BEND7: variants seen among roughly 807,000 people sequenced by gnomAD.
BEND7 encodes BEN domain containing 7.
BEND7 carries 28 observed loss-of-function variants against 50.9 expected under a neutral mutation model. The ratio of observed to expected loss-of-function variants is 0.55; its 90% confidence interval spans 0.41 to 0.75. The LOEUF (loss-of-function observed/expected upper bound fraction) is 0.75. Ranked by LOEUF, BEND7 falls within the 30% of genes least tolerant of loss-of-function variation. The pLI, the probability that BEND7 is intolerant of heterozygous loss-of-function variation, is 0.00. For synonymous variants in BEND7, 170 were observed against 183.9 expected (o/e 0.92, Z 0.61); for missense variants, 477 against 491.3 (o/e 0.97, Z 0.28).
intron 2 of BEND7, among the ~76,000 whole-genome samples, chr10:13,502,610 A>T (rs1349055946): frequency 3.3e-5 from 5 of 152,230 alleles, no homozygotes; most frequent in Non-Finnish European, 7.3e-5. Context: ...ATAAGCCCAC[A>T]GGCAAATGCG....
chr10:13,475,088 G>A (rs1335900408), intron 6 of BEND7, among the ~76,000 whole-genome samples: 1 of 152,200 alleles, frequency 6.6e-6, no homozygotes, highest in African/African-American at 2.4e-5. Flanking sequence ...TGGAAGTAGA[G>A]AGCTACACAC....
intron 7 of BEND7, among the ~76,000 whole-genome samples, chr10:13,449,766 A>G (rs190452964): frequency 6.6e-6 from 1 of 152,368 alleles, no homozygotes; most frequent in East Asian, 1.9e-4. Context: ...TAGTAAGAAC[A>G]GAACATATAT....
At chr10:13,443,143 A>G (rs1835587721) in intron 8 of BEND7, 1 of 152,396 alleles carries the variant, frequency 6.6e-6, no homozygotes, top group Admixed American at 6.5e-5. Flanking sequence ...AACCCTAAAA[A>G]TGATTTAAAA....
At chr10:13,516,082 A>G (rs536520793) in intron 2 of BEND7, among the ~76,000 whole-genome samples, 12 of 152,300 alleles carry the variant, frequency 7.9e-5, no homozygotes, top group African/African-American at 2.9e-4. Flanking sequence ...TTAACACGGA[A>G]CTCATTCATT....
chr10:13,528,609 G>C lies in BEND7; in HGVS notation c.-76C>G. 1 of 808,882 alleles carries C rather than the reference G, an allele frequency of 1.2e-6. No individual in the cohort carries two copies. The highest frequency in any genetic ancestry group is 1.5e-6 in the Non-Finnish European group (1 of 670,576). 50.1% of individuals were successfully genotyped at this position (808,882 alleles called of 1,614,324 possible). The stretch of plus-strand genomic sequence containing the variant: ...AGCGGCAGCGGCGGCAGCGGCAGCG[G>C]CGGCGCGGGCTCGTGTCACCGCGGC... On this transcript the variant is annotated 5_prime_UTR_variant, in exon 1 of 9. Coordinates refer to ENST00000466271, the MANE Select transcript of BEND7 (RefSeq NM_001369863.1).
intron 2 of BEND7, chr10:13,502,962 A>G (rs2077589106): frequency 1.0e-6 from 1 of 981,966 alleles, no homozygotes; most frequent in Non-Finnish European, 1.2e-6. Flanking sequence ...TGCTCTGTAG[A>G]TATAATGCTA....
downstream of BEND7, chr10:13,440,988 G>C (rs1835241638): frequency 1.7e-6 from 1 of 579,912 alleles, no homozygotes; most frequent in African/African-American, 2.0e-5. Context: ...TTCTGTGGGA[G>C]ATCATCAGAG....
intron 6 of BEND7, among the ~76,000 whole-genome samples, chr10:13,469,875 C>A (rs2074637090): frequency 6.6e-6 from 1 of 152,140 alleles, no homozygotes; most frequent in Admixed American, 6.5e-5. Flanking sequence ...ACTTTCAGGG[C>A]AGAAATACTA....
intron 2 of BEND7, among the ~76,000 whole-genome samples, chr10:13,507,166 G>C (rs2077957600): frequency 6.6e-6 from 1 of 152,104 alleles, no homozygotes; most frequent in Non-Finnish European, 1.5e-5. Context: ...AGCATGTAAA[G>C]AACTCAAAAC....
At chr10:13,500,529 G>A in intron 2 of BEND7, 1 of 990,770 alleles carries the variant, frequency 1.0e-6, no homozygotes, top group African/African-American at 1.7e-5. Context: ...GCTTCACCAG[G>A]CGGGGCAAGG....
At chr10:13,479,584 G>A (rs1281550345) in intron 6 of BEND7, among the ~76,000 whole-genome samples, 3 of 152,120 alleles carry the variant, frequency 2.0e-5, no homozygotes, top group Non-Finnish European at 4.4e-5. Context: ...TTCTTGTTTT[G>A]AGAAGGGACC....
chr10:13,440,432 C>A (rs1420074613), downstream of BEND7, among the ~76,000 whole-genome samples: 1 of 152,238 alleles, frequency 6.6e-6, no homozygotes, highest in Non-Finnish European at 1.5e-5. Flanking sequence ...TGGCTCCCTG[C>A]CCAGGTGCGG....
At chr10:13,501,570 G>A (rs2077467672) in intron 2 of BEND7, among the ~76,000 whole-genome samples, 2 of 151,926 alleles carry the variant, frequency 1.3e-5, no homozygotes, top group Admixed American at 1.3e-4. Flanking sequence ...GCCACTGTTG[G>A]GCATGGTGGC....
chr10:13,511,746 C>G (rs938628234), intron 2 of BEND7, among the ~76,000 whole-genome samples: 1 of 152,182 alleles, frequency 6.6e-6, no homozygotes, highest in Non-Finnish European at 1.5e-5. Flanking sequence ...CTCTGGTAAG[C>G]ACCCTGCCTA....
chr10:13,459,642 A>G (rs1001214657), intron 6 of BEND7: 1 of 152,254 alleles, frequency 6.6e-6, no homozygotes, highest in Non-Finnish European at 1.5e-5. Flanking sequence ...GCAGGCTCAG[A>G]AATCTGATTT....
Position 13,528,161 on chromosome 10 carries a change from G to A in BEND7, c.61+312C>T, listed in dbSNP as rs912244810. On this transcript the variant is annotated intron_variant, in intron 1 of 8. Coordinates refer to ENST00000466271, the MANE Select transcript of BEND7 (RefSeq NM_001369863.1). ...CCACGCTCGGCCTGATGGCCAGGCA[G>A]GTCCGCGGCCGCCCCAGCCCTGCCC... Among the ~76,000 whole-genome samples the A allele has an allele frequency of 2.6e-5, 4 of 152,182 alleles. No individual in the cohort carries two copies. The East Asian group carries it at 5.8e-4, about 22-fold the overall frequency.
Position 13,441,174 on chromosome 10 carries a change from A to G in BEND7, c.*569T>C. The G allele has an allele frequency of 1.0e-6, 1 of 978,046 alleles. No homozygotes were observed. The highest frequency in any genetic ancestry group is 1.2e-6 in the Non-Finnish European group (1 of 823,198). The allele number at this position is 978,046 out of a possible 1,614,324, so 60.6% of individuals were successfully genotyped here. A position where few individuals can be genotyped will look rare whatever the true frequency, so the allele number is the denominator to read the frequency against. ...ATACCACAACACAATGTTATACACC[A>G]TTTTCACAACCAGGCTTGCATTGAA... On this transcript the variant is annotated 3_prime_UTR_variant, in exon 9 of 9. Transcript: ENST00000466271.
At chr10:13,455,964 GC>G (rs983583767) in intron 6 of BEND7, among the ~76,000 whole-genome samples, 1 of 152,164 alleles carries the variant, frequency 6.6e-6, no homozygotes, top group Non-Finnish European at 1.5e-5. Context: ...GAGTCTACAG[GC>G]TTTCCACCTC....
chr10:13,510,739 A>G (rs1209847894), intron 2 of BEND7, among the ~76,000 whole-genome samples: 1 of 152,192 alleles, frequency 6.6e-6, no homozygotes, highest in Non-Finnish European at 1.5e-5. Flanking sequence ...ATAAATAAAG[A>G]TTAGGTTAAG....
Sources: allele counts gnomAD v4.1 joint callset (sites outside exome capture counted in the v4.1 genomes callset), GRCh38; gene constraint gnomAD v4.1.1; transcripts MANE v1.5; gene names NCBI Gene and HGNC (gene_info 2026-07-23, HGNC 2026-07-21).